SCARB1: variants seen among roughly 807,000 people sequenced by gnomAD.
SCARB1 encodes the protein scavenger receptor class B member 1.
Under a neutral mutation model 57.2 loss-of-function variants are expected in SCARB1, and 30 were observed. The observed-to-expected ratio is 0.52, with a 90% CI of 0.39 to 0.71. The LOEUF (loss-of-function observed/expected upper bound fraction) is 0.71, where lower values mean the gene tolerates loss of function less well. SCARB1 is among the 30% of genes least tolerant of loss of function. The pLI, the probability that SCARB1 is intolerant of heterozygous loss-of-function variation, is 0.00. For missense variants in SCARB1, 543 were observed against 671.2 expected (o/e 0.81, Z 2.11); for synonymous variants, 249 against 268.3 (o/e 0.93, Z 0.70).
chr12:124,829,595 C>T (rs554438429), intron 1 of SCARB1, among the ~76,000 whole-genome samples: 4 of 152,362 alleles, frequency 2.6e-5, no homozygotes, highest in African/African-American at 9.6e-5. Context: ...GCTCCTGAGC[C>T]ACCAGGCAAG....
At chr12:124,832,880 T>A (rs1404041880) in intron 1 of SCARB1, among the ~76,000 whole-genome samples, 2 of 152,058 alleles carry the variant, frequency 1.3e-5, no homozygotes, top group Non-Finnish European at 2.9e-5. Flanking sequence ...CTGGCTCAGA[T>A]CAATACAAAG....
Position 124,863,715 on chromosome 12 carries a change from G to T in SCARB1, c.6C>A (p.Gly2=). 1 of 1,502,386 alleles carries T rather than the reference G, an allele frequency of 6.7e-7. No individual in the cohort carries two copies. The highest frequency in any genetic ancestry group is 8.9e-7 in the Non-Finnish European group (1 of 1,124,162). The allele number at this position is 1,502,386 out of a possible 1,614,324, so 93.1% of individuals were successfully genotyped here. A position where few individuals can be genotyped will look rare whatever the true frequency, so the allele number is the denominator to read the frequency against. M[G]CSAKARWAAG... ...CAGCCCAGCGCGCTTTGGCGGAGCAGCCCATGTCTGCGCGCCTGGGGCCCA... is the reference window on the plus strand; with the variant it reads ...CAGCCCAGCGCGCTTTGGCGGAGCATCCCATGTCTGCGCGCCTGGGGCCCA... The change falls in exon 1 of 13, where the codon GGC becomes GGA. Residue 2 remains glycine (G), a synonymous_variant. Transcript: ENST00000261693.
At position 124,814,515 on chromosome 12, in the gene SCARB1, G is replaced by T; in HGVS notation, c.427-110C>A. On this transcript the variant is annotated intron_variant, in intron 3 of 12. Transcript: ENST00000261693. The surrounding 1 kb of genome is among the most constrained non-coding windows in gnomAD (Gnocchi z 4.7). The stretch of plus-strand genomic sequence containing the variant: ...AGCCCATGAAGGGAAATGCTGGGGT[G>T]CAGGAGGCCCCTGGAGTGGCCACGT... 8.3e-7 allele frequency: 1 copy of T among 1,207,980 alleles called. No homozygotes were observed. The highest frequency in any genetic ancestry group is 1.2e-6 in the Non-Finnish European group (1 of 828,592). The allele number at this position is 1,207,980 out of a possible 1,614,324, so 74.8% of individuals were successfully genotyped here.
chr12:124,821,074 C>G (rs118086012), intron 1 of SCARB1, among the ~76,000 whole-genome samples: 1 of 151,980 alleles, frequency 6.6e-6, no homozygotes, highest in African/African-American at 2.4e-5. Flanking sequence ...TCCATCTCTA[C>G]AAAAAATAGA....
intron 1 of SCARB1, among the ~76,000 whole-genome samples, chr12:124,861,346 A>T (rs1952892534): frequency 6.6e-6 from 1 of 151,856 alleles, no homozygotes; most frequent in African/African-American, 2.4e-5. Flanking sequence ...GTCTTTTTTT[A>T]GTTGTATTGT....
chr12:124,832,392 C>T (rs1951435219), intron 1 of SCARB1, among the ~76,000 whole-genome samples: 1 of 152,048 alleles, frequency 6.6e-6, no homozygotes, highest in Non-Finnish European at 1.5e-5. Flanking sequence ...TGGTGTCAGG[C>T]ACCTGTGGTC....
intron 1 of SCARB1, among the ~76,000 whole-genome samples, chr12:124,842,233 T>G (rs1390829041): frequency 2.6e-5 from 4 of 152,186 alleles, no homozygotes; most frequent in Non-Finnish European, 5.9e-5. Flanking sequence ...ACCATGCCAG[T>G]GCTGCCTCTG....
Position 124,778,595 on chromosome 12 carries a change from A to C in SCARB1, c.*1-9T>G, listed in dbSNP as rs1872751678. 7.1e-7 allele frequency: 1 copy of C among 1,412,760 alleles called. No individual in the cohort carries two copies. Among genetic ancestry groups the C allele is most frequent in the Admixed American group, 3.8e-5 (1 of 26,050 alleles). The allele number at this position is 1,412,760 out of a possible 1,614,324, so 87.5% of individuals were successfully genotyped here. On this transcript the variant is annotated splice_polypyrimidine_tract_variant and intron_variant, in intron 12 of 12. Coordinates refer to ENST00000261693, the MANE Select transcript of SCARB1 (RefSeq NM_005505.5). ...ACGGTGTCCTCAGGACCCTGTGGAG[A>C]AAGGCAAAGCTGGGTGACCACCCAC...
intron 1 of SCARB1, among the ~76,000 whole-genome samples, chr12:124,825,108 C>T (rs11057834): frequency 0.32 from 48,237 of 151,418 alleles, 8,837 homozygotes; most frequent in Non-Finnish European, 0.41. Context: ...GCCTGTAGTC[C>T]CAGCTACTCG....
At chr12:124,851,161 A>T (rs1410519486) in intron 1 of SCARB1, among the ~76,000 whole-genome samples, 1 of 152,210 alleles carries the variant, frequency 6.6e-6, no homozygotes. Context: ...AATATCCCTC[A>T]GGAAGGTTCC....
intron 11 of SCARB1, chr12:124,786,116 C>CT: frequency 6.5e-7 from 1 of 1,537,122 alleles, no homozygotes; most frequent in South Asian, 1.2e-5. Flanking sequence ...CCTGTGCCCC[C>CT]TCCAAGGGAG....
rs993881068 is a variant in SCARB1, at chr12:124,822,248, T to C, written c.127-4541A>G. On this transcript the variant is annotated intron_variant, in intron 1 of 12. Transcript: ENST00000261693. This position sits in a 1 kb window ranked among gnomAD's most constrained non-coding sequence, Gnocchi z 5.0. ...CCAAAAACAAATATGGAATGATATA[T>C]CCATATTTGATAGTTGGAAACAACT... Among the ~76,000 whole-genome samples, 9 of 150,578 alleles carry C rather than the reference T, an allele frequency of 6.0e-5. No individual in the cohort carries two copies. Among genetic ancestry groups the C allele is most frequent in the Non-Finnish European group, 1.0e-4 (7 of 68,016 alleles).
intron 8 of SCARB1, among the ~76,000 whole-genome samples, chr12:124,797,719 G>A (rs1287499833): frequency 6.6e-6 from 1 of 152,232 alleles, no homozygotes; most frequent in Non-Finnish European, 1.5e-5. Context: ...CAGAGCAAGA[G>A]AGGCTGGAGG....
At chr12:124,823,591 G>C (rs561842856) in intron 1 of SCARB1, among the ~76,000 whole-genome samples, 131 of 152,264 alleles carry the variant, frequency 8.6e-4, no homozygotes, top group African/African-American at 3.1e-3. Context: ...ACGATCAAAC[G>C]CAAAGTTACC....
chr12:124,813,243 G>A (rs1471727178), intron 4 of SCARB1, among the ~76,000 whole-genome samples: 4 of 152,162 alleles, frequency 2.6e-5, no homozygotes, highest in Non-Finnish European at 5.9e-5. Context: ...ACTGGAACAC[G>A]CTGTTTTACC....
At chr12:124,786,009 G>C in intron 11 of SCARB1, 1 of 1,449,410 alleles carries the variant, frequency 6.9e-7, no homozygotes, top group South Asian at 1.4e-5. Context: ...CTCCTCTACT[G>C]CTGTACGTCC....
chr12:124,780,165 G>A (rs74895349), intron 12 of SCARB1, among the ~76,000 whole-genome samples: 18 of 152,252 alleles, frequency 1.2e-4, no homozygotes, highest in East Asian at 3.9e-4. Context: ...TGGACTTGGC[G>A]TGGAAGAAAG....
intron 1 of SCARB1, among the ~76,000 whole-genome samples, chr12:124,840,930 A>G (rs564448997): frequency 6.6e-6 from 1 of 152,246 alleles, no homozygotes; most frequent in African/African-American, 2.4e-5. Flanking sequence ...GCCCTTTGGG[A>G]GGCCAAGGCA....
chr12:124,839,677 C>T (rs545475179), intron 1 of SCARB1: 1 of 983,632 alleles, frequency 1.0e-6, no homozygotes, highest in Admixed American at 6.2e-5. Context: ...GATTTCTCCG[C>T]ACCCTCACCC....
Sources: gnomAD v4.1 joint callset for allele counts (sites outside exome capture counted in the v4.1 genomes callset) on GRCh38, gnomAD v4.1.1 for gene constraint, Gnocchi (gnomAD v3.1) non-coding constraint, MANE v1.5 for transcripts, NCBI Gene and HGNC (gene_info 2026-07-23, HGNC 2026-07-21) for gene names.